The following FBXW2 variants were observed in gnomAD, a reference collection of about 807,000 sequenced individuals.
FBXW2 encodes the protein F-box/WD repeat-containing protein 2.
A neutral mutation model predicts 46.0 loss-of-function variants in FBXW2; 12 were observed. That is an observed-to-expected ratio of 0.26 (90% CI 0.17 to 0.42). The LOEUF (loss-of-function observed/expected upper bound fraction) is 0.42, where lower values mean the gene tolerates loss of function less well. Ranked by LOEUF, FBXW2 falls within the 10% of genes least tolerant of loss-of-function variation. The probability of loss-of-function intolerance (pLI) is 1.00; values close to 1 mark genes in which losing one functional copy is unlikely to be tolerated. For missense variants in FBXW2, 360 were observed against 537.0 expected (o/e 0.67, Z 3.26); for synonymous variants, 203 against 209.6 (o/e 0.97, Z 0.27).
At chr9:120,778,291 G>T in intron 4 of FBXW2, 60 bp downstream of exon 4, 1 of 1,391,626 alleles carries the variant, frequency 7.2e-7, no homozygotes, top group Non-Finnish European at 9.8e-7. Flanking sequence ...TCACATTCTT[G>T]GCTCCTGGCT....
intron 3 of FBXW2, among the ~76,000 whole-genome samples, chr9:120,781,683 C>A (rs964925751): frequency 1.3e-5 from 2 of 148,332 alleles, no homozygotes; most frequent in Admixed American, 6.8e-5. Flanking sequence ...CACATACACA[C>A]ACACACATAT....
At position 120,758,989 on chromosome 9, in the gene FBXW2, T is replaced by C. The variant is rs2044157994; in HGVS notation, c.*5570A>G. 6.6e-6 allele frequency: 1 copy of C among 152,222 alleles called. No individual in the cohort carries two copies. Among genetic ancestry groups the C allele is most frequent in the Admixed American group, 6.5e-5 (1 of 15,282 alleles). 9.4% of individuals were successfully genotyped at this position (152,222 alleles called of 1,614,324 possible). ...TTGTGTTTTACCTTTATTGTTTTGC[T>C]TTTTGGATCACCTTCAGAAATGGTT... On this transcript the variant is annotated 3_prime_UTR_variant, in exon 8 of 8. Transcript: ENST00000608872.
intron 2 of FBXW2, among the ~76,000 whole-genome samples, chr9:120,789,361 G>A (rs1461691369): frequency 2.6e-5 from 4 of 152,152 alleles, no homozygotes; most frequent in African/African-American, 4.8e-5. Context: ...TGAGCTAACT[G>A]TAACAAATAA....
chr9:120,765,621 G>GA (rs2044262936), intron 7 of FBXW2, among the ~76,000 whole-genome samples: 1 of 152,154 alleles, frequency 6.6e-6, no homozygotes, highest in Admixed American at 6.5e-5. Flanking sequence ...TAGAATACTG[G>GA]AACACCCTGA....
Position 120,764,477 on chromosome 9 carries a change from A to T in FBXW2, c.*82T>A. 6.8e-7 allele frequency: 1 copy of T among 1,468,160 alleles called. No individual in the cohort carries two copies. Among genetic ancestry groups the T allele is most frequent in the Non-Finnish European group, 9.3e-7 (1 of 1,072,914 alleles). The allele number at this position is 1,468,160 out of a possible 1,614,324, so 90.9% of individuals were successfully genotyped here. ...TACCATTAGGTGAGAACTTTGGTTC[A>T]TGCAGTCGGCTGCCGCAGAGGTTGC... On this transcript the variant is annotated 3_prime_UTR_variant, in exon 8 of 8. Coordinates refer to ENST00000608872, the MANE Select transcript of FBXW2 (RefSeq NM_012164.4).
chr9:120,783,464 T>TA (rs1178643869), intron 3 of FBXW2, among the ~76,000 whole-genome samples: 5 of 152,046 alleles, frequency 3.3e-5, no homozygotes, highest in South Asian at 2.1e-4. Flanking sequence ...AATAATACTT[T>TA]AAAAAAAATC....
intron 7 of FBXW2, among the ~76,000 whole-genome samples, chr9:120,770,957 A>G (rs1200013238): frequency 6.6e-6 from 1 of 152,248 alleles, no homozygotes; most frequent in African/African-American, 2.4e-5. Context: ...CCTAGATACC[A>G]CTAAAGTTTA....
chr9:120,760,169 T>TA lies in FBXW2; in HGVS notation c.*4389dup, dbSNP rs568170292. ...GAGGGCTGTGTCAAGAAGACGGACC[T>TA]AAAGGGCTTCTCCCCTATCCTGACA... On this transcript the variant is annotated 3_prime_UTR_variant, in exon 8 of 8. Coordinates refer to ENST00000608872, the MANE Select transcript of FBXW2 (RefSeq NM_012164.4). 1 of 152,254 alleles carries TA rather than the reference T, an allele frequency of 6.6e-6. No individual in the cohort carries two copies. Among genetic ancestry groups the TA allele is most frequent in the Admixed American group, 6.5e-5 (1 of 15,286 alleles). The allele number at this position is 152,254 out of a possible 1,614,324, so 9.4% of individuals were successfully genotyped here.
chr9:120,786,160 C>T (rs2044718556), intron 3 of FBXW2, among the ~76,000 whole-genome samples: 1 of 151,850 alleles, frequency 6.6e-6, no homozygotes, highest in South Asian at 2.1e-4. Flanking sequence ...CAGAAACAAT[C>T]TGAATATGCA....
chr9:120,762,952 C>T lies in FBXW2; in HGVS notation c.*1607G>A, dbSNP rs149968375. 6.6e-6 allele frequency: 1 copy of T among 152,316 alleles called. No homozygotes were observed. Among genetic ancestry groups the T allele is most frequent in the East Asian group, 1.9e-4 (1 of 5,184 alleles). 9.4% of individuals were successfully genotyped at this position (152,316 alleles called of 1,614,324 possible). On this transcript the variant is annotated 3_prime_UTR_variant, in exon 8 of 8. Transcript: ENST00000608872. ...ACTGCTTGCTCCCTCTACTCTCTCC[C>T]TGATTGTGACCACTAACATTTCCAC... is the stretch of plus-strand genomic sequence containing the variant.
At chr9:120,785,978 C>T (rs191136989) in intron 3 of FBXW2, among the ~76,000 whole-genome samples, 17 of 136,408 alleles carry the variant, frequency 1.2e-4, no homozygotes, top group Admixed American at 4.1e-4. Flanking sequence ...GAGATTGCAC[C>T]ACTGCACTCC....
chr9:120,782,477 A>T (rs759373750), intron 3 of FBXW2, among the ~76,000 whole-genome samples: 5 of 151,392 alleles, frequency 3.3e-5, no homozygotes, highest in Non-Finnish European at 5.9e-5. Context: ...AAAAAAAAAT[A>T]AAACAAGCAA....
At chr9:120,777,742 G>A (rs1453639392) in intron 4 of FBXW2, among the ~76,000 whole-genome samples, 1 of 118,608 alleles carries the variant, frequency 8.4e-6, no homozygotes, top group Non-Finnish European at 1.6e-5. Context: ...GCAACAGAGA[G>A]AGAAGCTCAA....
rs1028925368 is a variant in FBXW2 at position 120,793,205 on chromosome 9, G to A, written c.-77C>T. Reference sequence around the variant, plus strand: ...CGCCGGGTTCACAGCTACTAGGCACGCTCGGACCGCCAGAGCCTTGCAGCG... The same window carrying A: ...CGCCGGGTTCACAGCTACTAGGCACACTCGGACCGCCAGAGCCTTGCAGCG... On this transcript the variant is annotated 5_prime_UTR_variant, in exon 2 of 8. Transcript: ENST00000608872. 2.9e-5 allele frequency: 16 copies of A among 555,854 alleles called. No homozygotes were observed. Among genetic ancestry groups the A allele is most frequent in the Admixed American group, 1.4e-4 (4 of 29,270 alleles). The allele number at this position is 555,854 out of a possible 1,614,324, so 34.4% of individuals were successfully genotyped here.
chr9:120,758,209 T>C lies in FBXW2; in HGVS notation c.*6350A>G, dbSNP rs2044149994. On this transcript the variant is annotated 3_prime_UTR_variant, in exon 8 of 8. Coordinates refer to ENST00000608872, the MANE Select transcript of FBXW2 (RefSeq NM_012164.4). ...TCAGTGAGGCTGGAGTGGGGTATGG[T>C]GGTCAGCAGAGGCTTTAAAGATAGT... 6.6e-6 allele frequency: 1 copy of C among 152,202 alleles called. No individual in the cohort carries two copies. Among genetic ancestry groups the C allele is most frequent in the African/African-American group, 2.4e-5 (1 of 41,444 alleles). 9.4% of individuals were successfully genotyped at this position (152,202 alleles called of 1,614,324 possible). A position where few individuals can be genotyped will look rare whatever the true frequency, so the allele number is the denominator to read the frequency against.
chr9:120,779,763 A>G (rs1329861778), intron 3 of FBXW2, among the ~76,000 whole-genome samples: 2 of 152,222 alleles, frequency 1.3e-5, no homozygotes, highest in Non-Finnish European at 2.9e-5. Context: ...CATCAGCAAT[A>G]TTTTGAGAGC....
rs1280477486 is a variant in FBXW2, at chr9:120,758,188, T to A, written c.*6371A>T. ...ACTAACCTTACACAAAAATGCTCAG[T>A]GAGGCTGGAGTGGGGTATGGTGGTC... On this transcript the variant is annotated 3_prime_UTR_variant, in exon 8 of 8. Transcript: ENST00000608872. 1 of 152,168 alleles carries A rather than the reference T, an allele frequency of 6.6e-6. No individual in the cohort carries two copies. The highest frequency in any genetic ancestry group is 1.5e-5 in the Non-Finnish European group (1 of 68,028). The allele number at this position is 152,168 out of a possible 1,614,324, so 9.4% of individuals were successfully genotyped here.
intron 5 of FBXW2, 144 bp from the exon 6 acceptor site, chr9:120,772,984 A>G: frequency 1.6e-6 from 1 of 634,610 alleles, no homozygotes; most frequent in Non-Finnish European, 2.7e-6. Flanking sequence ...AACCTCTACT[A>G]AAAGTTTTAC....
At chr9:120,768,555 G>A (rs1002590455) in intron 7 of FBXW2, among the ~76,000 whole-genome samples, 1 of 152,128 alleles carries the variant, frequency 6.6e-6, no homozygotes, top group Non-Finnish European at 1.5e-5. Context: ...AGCCGGGTGC[G>A]GTGGCTCATG....
Sources: gnomAD v4.1 joint callset for allele counts (sites outside exome capture counted in the v4.1 genomes callset) on GRCh38, gnomAD v4.1.1 for gene constraint, MANE v1.5 for transcripts, NCBI Gene and HGNC (gene_info 2026-07-23, HGNC 2026-07-21) for gene names.